SLC8A1: variants seen among roughly 807,000 people sequenced by gnomAD.
SLC8A1 encodes the protein solute carrier family 8 member A1, also known as sodium/calcium exchanger 1.
SLC8A1 carries 18 observed loss-of-function variants against 68.3 expected under a neutral mutation model. The observed-to-expected ratio is 0.26, with a 90% CI of 0.18 to 0.39. SLC8A1 has a LOEUF of 0.39. SLC8A1 is among the 10% of genes least tolerant of loss of function. The pLI is 1.00. For missense variants in SLC8A1, 985 were observed against 1,156.7 expected (o/e 0.85, Z 2.15); for synonymous variants, 475 against 415.5 (o/e 1.14, Z -1.74).
intron 2 of SLC8A1, among the ~76,000 whole-genome samples, chr2:40,381,791 A>G (rs1409217923): frequency 2.0e-5 from 3 of 151,044 alleles, no homozygotes; most frequent in East Asian, 3.9e-4. Flanking sequence ...AACTTTCCAG[A>G]TCACCATCTG....
At chr2:40,449,768 C>T (rs1275428822) in intron 1 of SLC8A1, among the ~76,000 whole-genome samples, 1 of 152,164 alleles carries the variant, frequency 6.6e-6, no homozygotes, top group African/African-American at 2.4e-5. Context: ...GCTTTCAAGA[C>T]AGTAAAGTCT....
exon 8 of SLC8A1, chr2:40,103,741 GA>G (rs772712614): frequency 6.6e-5 from 10 of 152,162 alleles, no homozygotes; most frequent in Non-Finnish European, 1.5e-4. Context: ...TGAAAAGGGA[GA>G]AATTACTCAT....
intron 2 of SLC8A1, among the ~76,000 whole-genome samples, chr2:40,325,740 C>T (rs780047921): frequency 6.1e-5 from 8 of 130,466 alleles, no homozygotes; most frequent in South Asian, 5.0e-4. Flanking sequence ...GAGACCATGC[C>T]GGCTAACATG....
chr2:40,126,096 C>T (rs562017860), intron 7 of SLC8A1, among the ~76,000 whole-genome samples: 98 of 152,266 alleles, frequency 6.4e-4, no homozygotes, highest in African/African-American at 1.8e-3. Flanking sequence ...TTAGAATCCA[C>T]ATCCTGTAAT....
At chr2:40,144,930 G>A (rs920823991) in intron 6 of SLC8A1, among the ~76,000 whole-genome samples, 1 of 152,140 alleles carries the variant, frequency 6.6e-6, no homozygotes, top group East Asian at 1.9e-4. Flanking sequence ...TGTGACAAGA[G>A]CAGTTGAAGT....
chr2:40,423,697 C>G (rs1696115847), intron 2 of SLC8A1, among the ~76,000 whole-genome samples: 2 of 151,896 alleles, frequency 1.3e-5, no homozygotes, highest in Admixed American at 1.3e-4. Flanking sequence ...ATTATAATAG[C>G]AAATATGGCA....
intron 1 of SLC8A1, among the ~76,000 whole-genome samples, chr2:40,466,558 G>T (rs1343953274): frequency 6.6e-6 from 1 of 152,154 alleles, no homozygotes; most frequent in Non-Finnish European, 1.5e-5. Flanking sequence ...ACTGCTCTGA[G>T]CCTTGCTTCC....
chr2:40,194,565 T>C (rs576851977), intron 2 of SLC8A1, among the ~76,000 whole-genome samples: 1 of 150,694 alleles, frequency 6.6e-6, no homozygotes, highest in African/African-American at 2.4e-5. Flanking sequence ...AGAGATAGAA[T>C]AAAATGTCTT....
chr2:40,468,982 T>C (rs920048681), intron 1 of SLC8A1, among the ~76,000 whole-genome samples: 1 of 152,138 alleles, frequency 6.6e-6, no homozygotes, highest in African/African-American at 2.4e-5. Context: ...ATTTCATCAG[T>C]AAATATTTCA....
Position 40,331,959 on chromosome 2 carries a change from G to A in SLC8A1, c.1808+96514C>T, listed in dbSNP as rs535080589. 3.3e-5 allele frequency among the ~76,000 whole-genome samples: 5 copies of A among 151,966 alleles called. No homozygotes were observed. The South Asian group carries it at 1.0e-3, about 32-fold the overall frequency. On this transcript the variant is annotated intron_variant, in intron 2 of 7. Transcript: ENST00000406785. ...CTCTCCATGTATTTATTTATTTTCAGACAGTTTGAGGTTACAGTGAGCTAT... is the reference window on the plus strand; with the variant it reads ...CTCTCCATGTATTTATTTATTTTCAAACAGTTTGAGGTTACAGTGAGCTAT...
intron 2 of SLC8A1, among the ~76,000 whole-genome samples, chr2:40,183,602 CCACAGAA>C (rs1207295511): frequency 3.3e-5 from 5 of 152,110 alleles, no homozygotes; most frequent in Non-Finnish European, 7.3e-5. Flanking sequence ...CCATCCAGGC[CCACAGAA>C]TCTGCATTTT....
rs572248277 is a variant in SLC8A1 at position 40,175,264 on chromosome 2, G to A, written c.1913-422C>T. 5 of 1,612,978 alleles carry A rather than the reference G, an allele frequency of 3.1e-6. No homozygotes were observed. The African/African-American group carries it at 6.7e-5, about 22-fold the overall frequency. On this transcript the variant is annotated intron_variant, in intron 3 of 7. Transcript: ENST00000406785. ...ATGCAAGAAATGAAATGCTTACCAA[G>A]CTCATTCAATAACAGGGCTGTGAAG...
Position 40,487,416 on chromosome 2 carries a change from T to A in SLC8A1, c.-25+24933A>T, listed in dbSNP as rs538763633. Among the ~76,000 whole-genome samples the A allele has an allele frequency of 2.0e-5, 3 of 152,298 alleles. No homozygotes were observed. The East Asian group carries it at 5.8e-4, about 29-fold the overall frequency. The stretch of plus-strand genomic sequence containing the variant: ...GAATATTTCACATCTCTTGTTCTCT[T>A]TTTTAAAAATTCTACAATTAAGACA... On this transcript the variant is annotated intron_variant, in intron 1 of 7. Coordinates refer to the SLC8A1 transcript ENST00000402441.
intron 2 of SLC8A1, among the ~76,000 whole-genome samples, chr2:40,364,861 T>C (rs1251484750): frequency 6.6e-6 from 1 of 152,100 alleles, no homozygotes; most frequent in Non-Finnish European, 1.5e-5. Flanking sequence ...GCAATTTTTT[T>C]TTCTTTTAAT....
At chr2:40,315,160 C>A in intron 2 of SLC8A1, among the ~76,000 whole-genome samples, 1 of 151,790 alleles carries the variant, frequency 6.6e-6, no homozygotes, top group East Asian at 1.9e-4. Context: ...TGAAGAAGTT[C>A]CCACTATTCC....
intron 1 of SLC8A1, among the ~76,000 whole-genome samples, chr2:40,471,184 C>T (rs1427440386): frequency 2.0e-5 from 3 of 152,200 alleles, no homozygotes; most frequent in Non-Finnish European, 4.4e-5. Context: ...GAACCACCCT[C>T]TGACATAAGT....
At chr2:40,258,610 G>A (rs1270447162) in intron 2 of SLC8A1, among the ~76,000 whole-genome samples, 1 of 152,160 alleles carries the variant, frequency 6.6e-6, no homozygotes, top group Non-Finnish European at 1.5e-5. Flanking sequence ...GGAGGCTGAA[G>A]ACAGTGGATC....
intron 2 of SLC8A1, among the ~76,000 whole-genome samples, chr2:40,341,401 T>C (rs1392744336): frequency 2.6e-5 from 4 of 152,174 alleles, no homozygotes; most frequent in African/African-American, 9.6e-5. Context: ...CATAACACCA[T>C]GACTCATTGA....
intron 1 of SLC8A1, among the ~76,000 whole-genome samples, chr2:40,510,793 G>A (rs1379680422): frequency 6.6e-6 from 1 of 152,036 alleles, no homozygotes; most frequent in African/African-American, 2.4e-5. Context: ...ATTTTAATGT[G>A]CTCTCAATGT....
Sources: allele counts gnomAD v4.1 joint callset (sites outside exome capture counted in the v4.1 genomes callset), GRCh38; gene constraint gnomAD v4.1.1; transcripts MANE v1.5; gene names NCBI Gene and HGNC (gene_info 2026-07-23, HGNC 2026-07-21).